DIS3L2: variants seen among roughly 807,000 people sequenced by gnomAD.
DIS3L2 encodes DIS3 like 3'-5' exoribonuclease 2.
In DIS3L2, 34 loss-of-function variants were observed where a neutral mutation model predicts 97.5. That is an observed-to-expected ratio of 0.35 (90% CI 0.27 to 0.46). The LOEUF is 0.46. DIS3L2 is among the 20% of genes least tolerant of loss of function. DIS3L2 has a pLI of 1.00. For missense variants in DIS3L2, 1,038 were observed against 1,146.0 expected (o/e 0.91, Z 1.36); for synonymous variants, 435 against 445.2 (o/e 0.98, Z 0.29).
rs1246277178 is a variant in DIS3L2, at chr2:232,336,607, C to A, written c.2635C>A (p.Pro879Thr). 2 of 1,606,708 alleles carry A rather than the reference C, an allele frequency of 1.2e-6. No homozygotes were observed. The highest frequency in any genetic ancestry group is 1.7e-6 in the Non-Finnish European group (2 of 1,179,574). ...EKEEEESDGE[P>T]EDSSTS ...GGAGGAGGAGGAGTCTGACGGTGAG[C>A]CCGAGGACTCAAGCACCAGCTGAGC... The change falls in exon 21 of 21, where the codon CCC becomes ACC. Residue 879 changes from proline to threonine, a missense_variant. Pro to Thr is a conservative substitution (Grantham distance 38). Coordinates refer to ENST00000325385, the MANE Select transcript of DIS3L2 (RefSeq NM_152383.5).
At chr2:231,966,631 G>A (rs1312126585) in intron 1 of DIS3L2, among the ~76,000 whole-genome samples, 3 of 121,076 alleles carry the variant, frequency 2.5e-5, no homozygotes, top group African/African-American at 8.8e-5. Context: ...TGCCCAGCTA[G>A]TTAAAAAACA....
intron 13 of DIS3L2, among the ~76,000 whole-genome samples, chr2:232,287,967 C>T (rs913375893): frequency 4.6e-5 from 7 of 152,148 alleles, no homozygotes; most frequent in African/African-American, 9.7e-5. Context: ...CTGTTCTGAG[C>T]GACCAATTAA....
intron 9 of DIS3L2, among the ~76,000 whole-genome samples, chr2:232,196,536 AG>A (rs921415412): frequency 2.0e-5 from 3 of 152,126 alleles, no homozygotes; most frequent in African/African-American, 7.2e-5. Context: ...CTTTGCCTCC[AG>A]GGGGAATATT....
intron 14 of DIS3L2, among the ~76,000 whole-genome samples, chr2:232,308,973 A>G (rs1695054082): frequency 6.6e-6 from 1 of 152,054 alleles, no homozygotes; most frequent in Non-Finnish European, 1.5e-5. Context: ...AATGTACGAG[A>G]GGTGTTGGGG....
chr2:231,996,126 G>A (rs1422238700), intron 1 of DIS3L2, among the ~76,000 whole-genome samples: 1 of 152,250 alleles, frequency 6.6e-6, no homozygotes, highest in African/African-American at 2.4e-5. Flanking sequence ...ACTGAAAATT[G>A]ACAGTGGGAT....
intron 5 of DIS3L2, among the ~76,000 whole-genome samples, chr2:232,059,915 T>C (rs940898510): frequency 3.9e-5 from 6 of 152,210 alleles, no homozygotes; most frequent in African/African-American, 1.4e-4. Flanking sequence ...ATTCTATGTC[T>C]TTCCTATTGT....
intron 10 of DIS3L2, among the ~76,000 whole-genome samples, chr2:232,222,266 A>T (rs780623467): frequency 2.0e-5 from 3 of 151,876 alleles, no homozygotes; most frequent in Non-Finnish European, 4.4e-5. Context: ...TCTAATCCCC[A>T]TTTTGAAATG....
chr2:232,094,885 C>A (rs1009666391), intron 6 of DIS3L2, among the ~76,000 whole-genome samples: 2 of 152,028 alleles, frequency 1.3e-5, no homozygotes, highest in African/African-American at 4.8e-5. Context: ...GCTGAATTGA[C>A]CCCTTTATCA....
chr2:232,020,190 G>A (rs1694473539), intron 3 of DIS3L2, among the ~76,000 whole-genome samples: 1 of 152,158 alleles, frequency 6.6e-6, no homozygotes, highest in African/African-American at 2.4e-5. Flanking sequence ...CTGGAGAATT[G>A]GATTTTGTTC....
chr2:232,243,133 G>A (rs1693149911), intron 11 of DIS3L2, among the ~76,000 whole-genome samples: 1 of 152,198 alleles, frequency 6.6e-6, no homozygotes, highest in Non-Finnish European at 1.5e-5. Context: ...AGGAGCTTCT[G>A]CAAGGTCCAA....
intron 9 of DIS3L2, among the ~76,000 whole-genome samples, chr2:232,173,512 A>G (rs1383445140): frequency 2.0e-5 from 3 of 152,186 alleles, no homozygotes; most frequent in East Asian, 3.9e-4. Context: ...GATCATAGGC[A>G]TGAGCCACCG....
At chr2:232,309,771 C>T (rs1695077060) in intron 14 of DIS3L2, among the ~76,000 whole-genome samples, 1 of 152,210 alleles carries the variant, frequency 6.6e-6, no homozygotes, top group Non-Finnish European at 1.5e-5. Context: ...TGGAGGCGTG[C>T]TCACAGGAAG....
chr2:232,187,861 T>A (rs1691483262), intron 9 of DIS3L2, among the ~76,000 whole-genome samples: 1 of 151,872 alleles, frequency 6.6e-6, no homozygotes, highest in Non-Finnish European at 1.5e-5. Context: ...CATAATAAGA[T>A]CCTTTCTTTA....
intron 16 of DIS3L2, among the ~76,000 whole-genome samples, chr2:232,332,105 C>CCCCACCCAT (rs1695754095): frequency 1.4e-5 from 2 of 145,774 alleles, no homozygotes; most frequent in South Asian, 4.8e-4. Flanking sequence ...AAGCCATGGT[C>CCCCACCCAT]CCCACCCATC....
chr2:231,983,018 T>C (rs1404086907), intron 1 of DIS3L2, among the ~76,000 whole-genome samples: 1 of 152,068 alleles, frequency 6.6e-6, no homozygotes, highest in East Asian at 1.9e-4. Context: ...TAAACTCTTT[T>C]GAAAACTAGA....
At chr2:232,137,348 G>A (rs1449548824) in intron 8 of DIS3L2, among the ~76,000 whole-genome samples, 1 of 152,182 alleles carries the variant, frequency 6.6e-6, no homozygotes, top group Non-Finnish European at 1.5e-5. Flanking sequence ...TTGACCAAAT[G>A]CTATGCCTAT....
intron 3 of DIS3L2, among the ~76,000 whole-genome samples, chr2:232,018,708 T>TA (rs148644626): frequency 0.013 from 2,023 of 150,592 alleles, 53 homozygotes; most frequent in African/African-American, 0.047. Context: ...AAGGGGGATT[T>TA]AAAAAAAAAC....
intron 1 of DIS3L2, among the ~76,000 whole-genome samples, chr2:231,963,598 A>G (rs570151125): frequency 1.3e-5 from 2 of 152,202 alleles, no homozygotes; most frequent in African/African-American, 4.8e-5. Context: ...TAGTTTAATT[A>G]GTTCCAACTT....
chr2:232,184,607 G>A (rs1174983659), intron 9 of DIS3L2, among the ~76,000 whole-genome samples: 2 of 152,126 alleles, frequency 1.3e-5, no homozygotes, highest in African/African-American at 2.4e-5. Flanking sequence ...CTGTGATCGC[G>A]CCACTGCACT....
Sources: gnomAD v4.1 joint callset for allele counts (sites outside exome capture counted in the v4.1 genomes callset) on GRCh38, gnomAD v4.1.1 for gene constraint, MANE v1.5 for transcripts, NCBI Gene and HGNC (gene_info 2026-07-23, HGNC 2026-07-21) for gene names.